RND1: variants seen among roughly 807,000 people sequenced by gnomAD.
RND1 encodes the protein Rho family GTPase 1, also known as rho-related GTP-binding protein Rho6.
In RND1, 9 loss-of-function variants were observed where a neutral mutation model predicts 27.1. The observed-to-expected ratio is 0.33, with a 90% CI of 0.20 to 0.58. The LOEUF (loss-of-function observed/expected upper bound fraction) is 0.58. Among genes scored for constraint, RND1 ranks in the 20% least tolerant of loss-of-function variants. RND1 has a pLI of 0.86. For missense variants in RND1, 253 were observed against 292.2 expected, an observed-to-expected ratio of 0.87 and a Z score of 0.98; for synonymous variants, 108 against 115.7, an observed-to-expected ratio of 0.93 and a Z score of 0.43.
chr12:48,858,389 C>CTTTTT (rs566310279), intron 4 of RND1, 148 bp from the exon 5 acceptor site: 11 of 541,188 alleles, frequency 2.0e-5, no homozygotes, highest in South Asian at 5.8e-5. Context: ...ATTATCTTTT[C>CTTTTT]TTTTTTTTTT....
At chr12:48,860,753 C>T (rs186365888) in intron 4 of RND1, among the ~76,000 whole-genome samples, 115 of 151,946 alleles carry the variant, frequency 7.6e-4, no homozygotes, top group African/African-American at 2.5e-3. Context: ...ATGATTCTAA[C>T]GCAGGTGGTC....
intron 1 of RND1, chr12:48,865,444 G>T: frequency 1.6e-6 from 1 of 606,150 alleles, no homozygotes; most frequent in Admixed American, 2.6e-5. Context: ...GGAGCCAGCG[G>T]GGCGGCAGAA....
intron 4 of RND1, among the ~76,000 whole-genome samples, chr12:48,860,557 A>ATTTT (rs34655698): frequency 3.4e-4 from 24 of 70,614 alleles, no homozygotes; most frequent in Non-Finnish European, 4.4e-4. Context: ...ACACCCAGCT[A>ATTTT]TTTTTTTTTT....
intron 4 of RND1, 148 bp from the exon 5 acceptor site, chr12:48,858,389 CTTTTTTTT>C (rs566310279): frequency 1.1e-4 from 57 of 541,232 alleles, no homozygotes; most frequent in Non-Finnish European, 1.4e-4. Flanking sequence ...ATTATCTTTT[CTTTTTTTT>C]TTTTTTTTTT....
At chr12:48,863,882 G>A (rs546739535) in intron 2 of RND1, among the ~76,000 whole-genome samples, 6 of 152,022 alleles carry the variant, frequency 3.9e-5, no homozygotes, top group African/African-American at 1.4e-4. Context: ...TCTTATTCCC[G>A]GCTTTTACTC....
intron 4 of RND1, 26 bp downstream of exon 4, chr12:48,860,971 C>G: frequency 3.1e-6 from 5 of 1,612,294 alleles, no homozygotes; most frequent in Non-Finnish European, 4.2e-6. Context: ...CTCCACCCCA[C>G]GACATGCACT....
At chr12:48,865,194 C>T (rs1938971062) in intron 1 of RND1, among the ~76,000 whole-genome samples, 1 of 152,224 alleles carries the variant, frequency 6.6e-6, no homozygotes, top group Non-Finnish European at 1.5e-5. Context: ...CAGGCCAAAG[C>T]CAATCCTAGC....
At chr12:48,865,560 G>T in intron 1 of RND1, 88 bp downstream of exon 1, 1 of 1,464,294 alleles carries the variant, frequency 6.8e-7, no homozygotes, top group Middle Eastern at 1.7e-4. Flanking sequence ...TGGGGCTGGG[G>T]GAGCCACGTC....
intron 2 of RND1, among the ~76,000 whole-genome samples, chr12:48,864,093 C>T (rs1159480734): frequency 1.3e-5 from 2 of 152,122 alleles, no homozygotes; most frequent in Non-Finnish European, 2.9e-5. Flanking sequence ...GAGCCAACCT[C>T]CCCTCTGCCC....
chr12:48,863,309 TC>T (rs1288174895), intron 2 of RND1, among the ~76,000 whole-genome samples: 1 of 152,060 alleles, frequency 6.6e-6, no homozygotes. Context: ...ACAGCCTTTA[TC>T]CTTTCGGAAA....
intron 2 of RND1, among the ~76,000 whole-genome samples, chr12:48,864,428 C>CGTGT (rs1555172274): frequency 0.079 from 11,616 of 147,014 alleles, 591 homozygotes; most frequent in Middle Eastern, 0.13. Flanking sequence ...CGCGCGCGCG[C>CGTGT]GTGTGTGTGC....
chr12:48,858,285 C>A, intron 4 of RND1, 44 bp from the exon 5 acceptor site: 1 of 1,589,724 alleles, frequency 6.3e-7, no homozygotes, highest in Non-Finnish European at 8.6e-7. Context: ...GCCAAAATGG[C>A]TCTGGGACGC....
chr12:48,865,252 G>C (rs1592211508), intron 1 of RND1: 1 of 376,646 alleles, frequency 2.7e-6, no homozygotes, highest in East Asian at 5.9e-5. Context: ...AGGGGCTGCA[G>C]AAGCCTGCCT....
chr12:48,862,089 G>A lies in RND1; in HGVS notation c.238C>T (p.Leu80Phe), dbSNP rs527583871. The change falls in exon 3 of 5, where the codon CTC becomes TTC. Residue 80 changes from leucine (L) to phenylalanine (F), a missense_variant. Coordinates refer to ENST00000309739, the MANE Select transcript of RND1 (RefSeq NM_014470.4). ...ACTGCATCCGAGTCGCTGTAGCAGAGTGGACGGACATTATCGTAGTAGGGA... is the reference window on the plus strand; with the variant it reads ...ACTGCATCCGAGTCGCTGTAGCAGAATGGACGGACATTATCGTAGTAGGGA... Reference protein sequence around the residue: ...GSPYYDNVRPLCYSDSDAVLL... With the variant: ...GSPYYDNVRPFCYSDSDAVLL... 1 of 1,612,918 alleles carries A rather than the reference G, an allele frequency of 6.2e-7. No individual in the cohort carries two copies. Among genetic ancestry groups the A allele is most frequent in the African/African-American group, 1.3e-5 (1 of 75,028 alleles).
At chr12:48,864,964 A>G in intron 1 of RND1, 94 bp from the exon 2 acceptor site, 1 of 946,622 alleles carries the variant, frequency 1.1e-6, no homozygotes, top group Non-Finnish European at 1.7e-6. Flanking sequence ...GAGAGACAGT[A>G]AAGTCACAGG....
Position 48,861,053 on chromosome 12 carries a change from G to T in RND1, c.397C>A (p.Leu133Met). 1.2e-6 allele frequency: 2 copies of T among 1,614,114 alleles called. No individual in the cohort carries two copies. Among genetic ancestry groups the T allele is most frequent in the Non-Finnish European group, 1.7e-6 (2 of 1,180,040 alleles). Residue 133 changes from leucine (L) to methionine (M), a missense_variant, in exon 4 of 5, where the codon CTG (leucine) becomes ATG (methionine). Physicochemically the swap from Leu to Met is conservative, Grantham distance 15 (BLOSUM62 2). Coordinates refer to ENST00000309739, the MANE Select transcript of RND1 (RefSeq NM_014470.4). ...TGGGACAGCTCCATCAGAGTACTCA[G>T]GTCTGTTCGCAGGTCTGTCTTGCAG... is the stretch of plus-strand genomic sequence containing the variant. ...IGCKTDLRTD[L>M]STLMELSHQK...
chr12:48,858,313 C>T, intron 4 of RND1, 72 bp from the exon 5 acceptor site: 1 of 1,548,994 alleles, frequency 6.5e-7, no homozygotes, highest in South Asian at 1.2e-5. Context: ...GTGCGTCACT[C>T]CCCAGGGCCA....
Position 48,865,740 on chromosome 12 carries a change from C to T in RND1, c.28G>A (p.Val10Ile), listed in dbSNP as rs1188397698. The change falls in exon 1 of 5, where the codon GTC (valine) becomes ATC (isoleucine). Residue 10 changes from valine (V) to isoleucine (I), a missense_variant. Coordinates refer to ENST00000309739, the MANE Select transcript of RND1 (RefSeq NM_014470.4). ...AGAACGAGCTTACATCTGGCCACGA[C>T]TGGCTGGGGGGCCCGTCTCTCCTTC... Reference protein sequence around the residue: MKERRAPQPVVARCKLVLVG... With the variant: MKERRAPQPIVARCKLVLVG... The T allele has an allele frequency of 6.2e-7, 1 of 1,608,114 alleles. No homozygotes were observed. Among genetic ancestry groups the T allele is most frequent in the Non-Finnish European group, 8.5e-7 (1 of 1,175,536 alleles).
At chr12:48,865,304 T>C in intron 1 of RND1, 1 of 393,256 alleles carries the variant, frequency 2.5e-6, no homozygotes. Flanking sequence ...GGTGAGCGGA[T>C]AGGCAGGGAT....
Sources: allele counts gnomAD v4.1 joint callset (sites outside exome capture counted in the v4.1 genomes callset), GRCh38; gene constraint gnomAD v4.1.1; transcripts MANE v1.5; gene names NCBI Gene and HGNC (gene_info 2026-07-23, HGNC 2026-07-21).